ALDH3B2: variants seen among roughly 807,000 people sequenced by gnomAD.
ALDH3B2 encodes the protein aldehyde dehydrogenase 3 family member B2.
A neutral mutation model predicts 36.7 loss-of-function variants in ALDH3B2; 45 were observed. That is an observed-to-expected ratio of 1.23 (90% confidence interval 0.97 to 1.57). The LOEUF is 1.57. Among genes scored for constraint, ALDH3B2 ranks in the 40% most tolerant of loss-of-function variants. ALDH3B2 has a pLI of 0.00. For synonymous variants in ALDH3B2, 217 were observed against 226.5 expected, an observed-to-expected ratio of 0.96 and a Z score of 0.38; for missense variants, 464 against 513.3, an observed-to-expected ratio of 0.90 and a Z score of 0.93.
upstream of ALDH3B2, among the ~76,000 whole-genome samples, chr11:67,678,038 T>G (rs1465374677): frequency 1.3e-5 from 2 of 152,224 alleles, no homozygotes; most frequent in Non-Finnish European, 2.9e-5. Context: ...ATGGCCATAC[T>G]GCCAAAAGCA....
At chr11:67,663,614 G>T in intron 9 of ALDH3B2, 48 bp downstream of exon 9, 2 of 1,560,074 alleles carry the variant, frequency 1.3e-6, no homozygotes, top group Non-Finnish European at 1.8e-6. Context: ...CTGGGTCTGG[G>T]GTACCAAAGC....
chr11:67,666,549 A>G (rs779075204), intron 4 of ALDH3B2, 25 bp downstream of exon 4: 2 of 1,613,500 alleles, frequency 1.2e-6, no homozygotes, highest in Non-Finnish European at 1.7e-6. Flanking sequence ...CGGGGAGAGC[A>G]TGGGGTTCGG....
At chr11:67,680,098 G>A (rs1349284710) in intron 1 of ALDH3B2, among the ~76,000 whole-genome samples, 1 of 152,028 alleles carries the variant, frequency 6.6e-6, no homozygotes, top group Non-Finnish European at 1.5e-5. Flanking sequence ...GGTGGGTCAC[G>A]AGGTCAGGAG....
At chr11:67,662,924 G>T in exon 10 of ALDH3B2, 1 of 440,974 alleles carries the variant, frequency 2.3e-6, no homozygotes, top group Non-Finnish European at 4.1e-6. Context: ...CTGTGACTGG[G>T]TCTGGCCAAC....
At chr11:67,663,524 G>C in intron 9 of ALDH3B2, 125 bp from the exon 10 acceptor site, 2 of 1,384,438 alleles carry the variant, frequency 1.4e-6, no homozygotes, top group South Asian at 2.6e-5. Flanking sequence ...CACTCACAGA[G>C]CCATTTTACA....
In ALDH3B2 at chr11:67,667,356, T is replaced by A. The variant is rs1591143916; in HGVS notation, c.-82+117A>T. ...CTCCACATGCCAGGGAGGGGGTCTG[T>A]TAAACAAACAGGAATAAAACTAGGG... On this transcript the variant is annotated intron_variant, in intron 2 of 9. Coordinates refer to ENST00000349015, the Ensembl canonical transcript of ALDH3B2. 2.2e-5 allele frequency: 8 copies of A among 370,838 alleles called. No individual in the cohort carries two copies. In the East Asian group the frequency reaches 2.3e-4, roughly 10 times the overall value. 23.0% of individuals were successfully genotyped at this position (370,838 alleles called of 1,614,324 possible).
intron 1 of ALDH3B2, among the ~76,000 whole-genome samples, chr11:67,673,123 G>A (rs1856177897): frequency 6.6e-6 from 1 of 151,330 alleles, no homozygotes; most frequent in Admixed American, 6.6e-5. Flanking sequence ...GTAGAGACGG[G>A]GTTTCACCGT....
intron 1 of ALDH3B2, among the ~76,000 whole-genome samples, chr11:67,668,513 G>A (rs574312621): frequency 3.3e-5 from 5 of 152,148 alleles, no homozygotes; most frequent in African/African-American, 7.2e-5. Flanking sequence ...AGAATGGTGC[G>A]CAAATCCTGT....
At chr11:67,675,704 C>G (rs939469402), upstream of ALDH3B2, among the ~76,000 whole-genome samples, 3 of 152,288 alleles carry the variant, frequency 2.0e-5, no homozygotes, top group Middle Eastern at 3.4e-3. Context: ...AGGAAGGGAC[C>G]TCGGGATGGG....
exon 10 of ALDH3B2, chr11:67,663,103 C>A: frequency 2.3e-6 from 3 of 1,321,974 alleles, no homozygotes; most frequent in Non-Finnish European, 3.1e-6. Context: ...GCTCCAGCAA[C>A]CTGAGGCTGG....
At chr11:67,670,078 A>G (rs111200387) in intron 1 of ALDH3B2, among the ~76,000 whole-genome samples, 237 of 6,446 alleles carry the variant, frequency 0.037, 58 homozygotes, top group Non-Finnish European at 0.045. Context: ...GTGTGTCCAC[A>G]TGTGTCTGTG....
chr11:67,669,225 GGTGTCTGTGTGTGT>G (rs1250050270), intron 1 of ALDH3B2, among the ~76,000 whole-genome samples: 6 of 144,930 alleles, frequency 4.1e-5, no homozygotes, highest in African/African-American at 1.3e-4. Flanking sequence ...TCTGTGTATG[GGTGTCTGTGTGTGT>G]GTGTCTGTGT....
chr11:67,672,067 A>ATG (rs1324402443), intron 1 of ALDH3B2, among the ~76,000 whole-genome samples: 3 of 80,866 alleles, frequency 3.7e-5, no homozygotes, highest in Non-Finnish European at 7.0e-5. Flanking sequence ...ATATATATAT[A>ATG]TATATATATA....
rs995220980 is a variant in ALDH3B2 at position 67,667,637 on chromosome 11, T to C, written c.-244-2A>G. The C allele has an allele frequency of 1.2e-5, 4 of 329,860 alleles. No homozygotes were observed. Among genetic ancestry groups the C allele is most frequent in the African/African-American group, 6.6e-5 (3 of 45,788 alleles). The allele number at this position is 329,860 out of a possible 1,614,324, so 20.4% of individuals were successfully genotyped here. The stretch of plus-strand genomic sequence containing the variant: ...AGCGTGTCCTCGAAGGGGTCCATCC[T>C]GCCGGATGGGGTGGCTTGAACTGGG... On this transcript the variant is annotated splice_acceptor_variant, in intron 1 of 9. Coordinates refer to ENST00000349015, the Ensembl canonical transcript of ALDH3B2. LOFTEE classifies it low-confidence loss of function (5UTR_SPLICE).
At chr11:67,662,305 C>T (rs1855766306) in exon 10 of ALDH3B2, 1 of 152,234 alleles carries the variant, frequency 6.6e-6, no homozygotes, top group Non-Finnish European at 1.5e-5. Flanking sequence ...AGCTTTTAAA[C>T]AAGGTTTGTA....
At chr11:67,666,059 C>G in intron 6 of ALDH3B2, 63 bp downstream of exon 6, 1 of 1,584,026 alleles carries the variant, frequency 6.3e-7, no homozygotes. Flanking sequence ...CTCCACAACC[C>G]TCCCACCCTC....
At chr11:67,663,844 G>T in intron 8 of ALDH3B2, 83 bp from the exon 9 acceptor site, 1 of 1,217,574 alleles carries the variant, frequency 8.2e-7, no homozygotes, top group Non-Finnish European at 1.1e-6. Context: ...GCGGAGGTGA[G>T]CCTCATCCTC....
At chr11:67,678,636 C>CATATATATATATATATAT (rs34057662), upstream of ALDH3B2, among the ~76,000 whole-genome samples, 234 of 146,680 alleles carry the variant, frequency 1.6e-3, 1 homozygote, top group African/African-American at 5.5e-3. Flanking sequence ...TACTATGGTA[C>CATATATATATATATATAT]ATATATATAT....
chr11:67,673,239 C>T (rs1408861783), intron 1 of ALDH3B2, among the ~76,000 whole-genome samples: 2 of 152,178 alleles, frequency 1.3e-5, no homozygotes, highest in African/African-American at 2.4e-5. Context: ...AACTGAGACC[C>T]GTCTCAGATT....
Sources: allele counts gnomAD v4.1 joint callset (sites outside exome capture counted in the v4.1 genomes callset), GRCh38; gene constraint gnomAD v4.1.1; transcripts MANE v1.5; gene names NCBI Gene and HGNC (gene_info 2026-07-23, HGNC 2026-07-21).